Variants in FBXL7 observed in about 807,000 individuals in gnomAD.
FBXL7 encodes the protein F-box/LRR-repeat protein 7.
A neutral mutation model predicts 38.3 loss-of-function variants in FBXL7; 12 were observed. That is an observed-to-expected ratio of 0.31 (90% CI 0.20 to 0.51). The LOEUF (loss-of-function observed/expected upper bound fraction) is 0.51, where lower values mean the gene tolerates loss of function less well. FBXL7 is among the 20% of genes least tolerant of loss of function. FBXL7 has a pLI of 0.98. For synonymous variants in FBXL7, 297 were observed against 300.9 expected, an observed-to-expected ratio of 0.99 and a Z score of 0.13; for missense variants, 567 against 676.4, an observed-to-expected ratio of 0.84 and a Z score of 1.79.
chr5:15,836,689 A>G (rs1738600643), intron 2 of FBXL7, among the ~76,000 whole-genome samples: 1 of 152,186 alleles, frequency 6.6e-6, no homozygotes, highest in Non-Finnish European at 1.5e-5. Context: ...TCGGGAGGCA[A>G]TAGGAGGCCA....
chr5:15,827,354 T>C (rs1738343850), intron 2 of FBXL7, among the ~76,000 whole-genome samples: 1 of 152,190 alleles, frequency 6.6e-6, no homozygotes, highest in Non-Finnish European at 1.5e-5. Flanking sequence ...ACAGAAATCT[T>C]CATTTTTGGG....
At chr5:15,526,448 C>T (rs1400791495) in intron 1 of FBXL7, among the ~76,000 whole-genome samples, 3 of 152,220 alleles carry the variant, frequency 2.0e-5, no homozygotes, top group Admixed American at 1.3e-4. Context: ...ATTCCAAAGG[C>T]GTCTTTCGGT....
Position 15,890,315 on chromosome 5 carries a change from A to ATC in FBXL7, c.128-37573_128-37572dup, listed in dbSNP as rs531687483. On this transcript the variant is annotated intron_variant, in intron 2 of 3. Coordinates refer to ENST00000504595, the MANE Select transcript of FBXL7 (RefSeq NM_012304.5). The stretch of plus-strand genomic sequence containing the variant: ...GTTGCCCAGGCTGGATCGCAGCACA[A>ATC]TCTGCTCACTGCAACCTCCGCCTCC... Among the ~76,000 whole-genome samples the ATC allele has an allele frequency of 6.9e-3, 1,054 of 152,114 alleles. 20 individuals carry two copies. Among genetic ancestry groups the ATC allele is most frequent in the African/African-American group, 0.024 (1,003 of 41,498 alleles).
At chr5:15,763,730 A>T (rs1334031522) in intron 2 of FBXL7, among the ~76,000 whole-genome samples, 1 of 152,192 alleles carries the variant, frequency 6.6e-6, no homozygotes, top group African/African-American at 2.4e-5. Context: ...GTTCAATTTG[A>T]TCCTCATTAA....
intron 2 of FBXL7, among the ~76,000 whole-genome samples, chr5:15,658,867 T>G (rs1274234447): frequency 6.6e-6 from 1 of 152,336 alleles, no homozygotes; most frequent in African/African-American, 2.4e-5. Context: ...CTGGGCTGTC[T>G]GCCTGTGGAT....
intron 2 of FBXL7, among the ~76,000 whole-genome samples, chr5:15,667,452 ATAC>A (rs1554013405): frequency 2.0e-5 from 3 of 152,158 alleles, no homozygotes; most frequent in Non-Finnish European, 4.4e-5. Flanking sequence ...CTGGAAAGGA[ATAC>A]TATGCTTGAT....
intron 2 of FBXL7, among the ~76,000 whole-genome samples, chr5:15,868,790 A>T (rs1579543674): frequency 6.6e-6 from 1 of 152,108 alleles, no homozygotes; most frequent in Non-Finnish European, 1.5e-5. Flanking sequence ...TTCCTTGGTC[A>T]TGCTACTTAA....
At chr5:15,662,138 C>G (rs2126585688) in intron 2 of FBXL7, among the ~76,000 whole-genome samples, 1 of 152,216 alleles carries the variant, frequency 6.6e-6, no homozygotes, top group South Asian at 2.1e-4. Flanking sequence ...ACACTCCCAC[C>G]CCAACAGTGT....
intron 2 of FBXL7, among the ~76,000 whole-genome samples, chr5:15,643,096 C>T (rs964905634): frequency 1.9e-4 from 29 of 152,116 alleles, no homozygotes; most frequent in African/African-American, 6.5e-4. Context: ...AAGGTTTTCA[C>T]GTAATGATTT....
chr5:15,660,277 T>G (rs1742017245), intron 2 of FBXL7, among the ~76,000 whole-genome samples: 1 of 152,266 alleles, frequency 6.6e-6, no homozygotes. Flanking sequence ...TACTTATCAT[T>G]AACAATCACT....
intron 1 of FBXL7, among the ~76,000 whole-genome samples, chr5:15,505,898 G>A (rs928143290): frequency 1.3e-5 from 2 of 152,076 alleles, no homozygotes; most frequent in South Asian, 2.1e-4. Context: ...GGAGAGTACC[G>A]AACCTGATTG....
At chr5:15,869,395 ATGT>A (rs1267623813) in intron 2 of FBXL7, among the ~76,000 whole-genome samples, 2 of 152,120 alleles carry the variant, frequency 1.3e-5, no homozygotes, top group Non-Finnish European at 2.9e-5. Context: ...CACTGCTTTA[ATGT>A]TGTTATCAGC....
At chr5:15,916,692 A>G (rs958219252) in intron 2 of FBXL7, among the ~76,000 whole-genome samples, 1 of 152,212 alleles carries the variant, frequency 6.6e-6, no homozygotes, top group South Asian at 2.1e-4. Flanking sequence ...GGCTTTCACA[A>G]TTACAATATT....
intron 2 of FBXL7, among the ~76,000 whole-genome samples, chr5:15,715,581 C>T (rs534220751): frequency 1.2e-4 from 18 of 151,922 alleles, no homozygotes; most frequent in Admixed American, 3.3e-4. Flanking sequence ...CTTTGTGGGC[C>T]ACGTGGTCTC....
At chr5:15,778,199 T>C (rs1736906519) in intron 2 of FBXL7, among the ~76,000 whole-genome samples, 1 of 152,090 alleles carries the variant, frequency 6.6e-6, no homozygotes, top group South Asian at 2.1e-4. Context: ...CATCAAAGGC[T>C]GTTTCTACTT....
At chr5:15,725,221 G>C (rs1744310062) in intron 2 of FBXL7, among the ~76,000 whole-genome samples, 1 of 152,124 alleles carries the variant, frequency 6.6e-6, no homozygotes, top group Non-Finnish European at 1.5e-5. Context: ...AAGTTGTAAA[G>C]TCAGGTTGTT....
intron 1 of FBXL7, among the ~76,000 whole-genome samples, chr5:15,576,404 A>G (rs1471106469): frequency 6.6e-6 from 1 of 152,112 alleles, no homozygotes; most frequent in Non-Finnish European, 1.5e-5. Flanking sequence ...TTCTTAATGT[A>G]TCTATTTTAG....
rs915760833 is a variant in FBXL7, at chr5:15,684,496, T to C, written c.127+68424T>C. On this transcript the variant is annotated intron_variant, in intron 2 of 3. Coordinates refer to ENST00000504595, the MANE Select transcript of FBXL7 (RefSeq NM_012304.5). Reference sequence around the variant, plus strand: ...TAGGCAGAATAATGGCCCCCAAGAATGTGCATGTCCTGCTTCCTAGAATAT... The same window carrying C: ...TAGGCAGAATAATGGCCCCCAAGAACGTGCATGTCCTGCTTCCTAGAATAT... Among the ~76,000 whole-genome samples the C allele has an allele frequency of 3.9e-5, 6 of 152,154 alleles. 1 individual carries two copies. The highest frequency in any genetic ancestry group is 3.3e-4 in the Admixed American group (5 of 15,270).
intron 2 of FBXL7, among the ~76,000 whole-genome samples, chr5:15,748,644 A>G (rs900004332): frequency 6.6e-6 from 1 of 152,174 alleles, no homozygotes; most frequent in Non-Finnish European, 1.5e-5. Flanking sequence ...TAAATTACCC[A>G]GTCTCGAATA....
Sources: gnomAD v4.1 joint callset for allele counts (sites outside exome capture counted in the v4.1 genomes callset) on GRCh38, gnomAD v4.1.1 for gene constraint, MANE v1.5 for transcripts, NCBI Gene and HGNC (gene_info 2026-07-23, HGNC 2026-07-21) for gene names.